The following SMCO3 variants were observed in gnomAD, a reference collection of about 807,000 sequenced individuals.
SMCO3 encodes the protein single-pass membrane protein with coiled-coil domains 3, also known as single-pass membrane and coiled-coil domain-containing protein 3.
SMCO3 carries 6 observed loss-of-function variants against 12.0 expected under a neutral mutation model. The observed-to-expected ratio is 0.50, with a 90% CI of 0.27 to 0.99. SMCO3 has a LOEUF of 0.99. SMCO3 is among the 50% of genes least tolerant of loss of function. SMCO3 has a pLI of 0.11. For synonymous variants in SMCO3, 96 were observed against 96.4 expected (o/e 1.00, Z 0.02); for missense variants, 279 against 265.0 (o/e 1.05, Z -0.37).
intron 1 of SMCO3, among the ~76,000 whole-genome samples, chr12:14,810,461 A>G (rs1950119457): frequency 6.6e-6 from 1 of 152,256 alleles, no homozygotes; most frequent in Admixed American, 6.5e-5. Flanking sequence ...GTCATATGCC[A>G]GCACCACTCT....
chr12:14,807,710 C>G (rs1440613022), intron 1 of SMCO3, among the ~76,000 whole-genome samples: 1 of 152,064 alleles, frequency 6.6e-6, no homozygotes, highest in Non-Finnish European at 1.5e-5. Context: ...AAGGTAGGCA[C>G]TATACAGGGC....
rs1950037906 is a variant in SMCO3 at position 14,805,770 on chromosome 12, T to A, written c.*233A>T. ...TCTGGTAGAGCAGGGTGTGAAAACA[T>A]CCAGGGAGAAAATTTTTTTACCTCA... On this transcript the variant is annotated 3_prime_UTR_variant, in exon 2 of 2. Transcript: ENST00000316048. 3 of 509,996 alleles carry A rather than the reference T, an allele frequency of 5.9e-6. No homozygotes were observed. The highest frequency in any genetic ancestry group is 1.0e-5 in the Non-Finnish European group (3 of 291,488). 31.6% of individuals were successfully genotyped at this position (509,996 alleles called of 1,614,324 possible).
chr12:14,811,193 T>C (rs933222303), intron 1 of SMCO3, among the ~76,000 whole-genome samples: 1 of 152,234 alleles, frequency 6.6e-6, no homozygotes, highest in African/African-American at 2.4e-5. Context: ...CCATCCACTT[T>C]TGTACAGAGT....
In SMCO3 at chr12:14,807,451, T is replaced by C. The variant is rs575114839; in HGVS notation, c.-16-755A>G. Among the ~76,000 whole-genome samples the C allele has an allele frequency of 1.5e-4, 23 of 152,342 alleles. No individual in the cohort carries two copies. In the South Asian group the frequency reaches 4.8e-3, roughly 32 times the overall value. ...ATTTCTCTAGCATTTGGAGTTAAAC[T>C]CTAGTCAGGGCCAGATAAATATTAA... On this transcript the variant is annotated intron_variant, in intron 1 of 1. Transcript: ENST00000316048.
Position 14,806,134 on chromosome 12 carries a change from C to G in SMCO3, c.547G>C (p.Val183Leu), listed in dbSNP as rs1950044957. 2 of 1,614,140 alleles carry G rather than the reference C, an allele frequency of 1.2e-6. No homozygotes were observed. Among genetic ancestry groups the G allele is most frequent in the African/African-American group, 1.3e-5 (1 of 75,022 alleles). ...DMIVRAILGA[V>L]EKTQLQAAIK... ...GCTGCTTGAAGCTGTGTTTTTTCCA[C>G]TGCTCCCAGGATGGCACGGACAATC... Residue 183 changes from valine to leucine, a missense_variant, in exon 2 of 2, where the codon GTG (valine) becomes CTG (leucine). Coordinates refer to ENST00000316048, the MANE Select transcript of SMCO3 (RefSeq NM_001013698.2).
At position 14,811,411 on chromosome 12, in the gene SMCO3, G is replaced by T. The variant is rs142423549; in HGVS notation, c.-17+2715C>A. 2.1e-3 allele frequency among the ~76,000 whole-genome samples: 313 copies of T among 152,232 alleles called. 3 individuals are homozygous for T. The highest frequency in any genetic ancestry group is 6.7e-3 in the African/African-American group (279 of 41,528). On this transcript the variant is annotated intron_variant, in intron 1 of 1. Coordinates refer to ENST00000316048, the MANE Select transcript of SMCO3 (RefSeq NM_001013698.2). Reference sequence around the variant, plus strand: ...GCTCTGGGTAGGTAAAATTTTATTTGATGAGAGAGTTCTGTTGCTAAAACA... The same window carrying T: ...GCTCTGGGTAGGTAAAATTTTATTTTATGAGAGAGTTCTGTTGCTAAAACA...
In SMCO3 at chr12:14,806,533, T is replaced by C. The variant is rs754454798; in HGVS notation, c.148A>G (p.Arg50Gly). 1 of 1,614,186 alleles carries C rather than the reference T, an allele frequency of 6.2e-7. No homozygotes were observed. Among genetic ancestry groups the C allele is most frequent in the Non-Finnish European group, 8.5e-7 (1 of 1,180,040 alleles). ...TEVLNMHLGC[R>G]LASIEMKRDG... ...CTTTTCATCTCAATGGAGGCCAGCC[T>C]GCACCCCAAGTGCATATTTAGAACC... The change falls in exon 2 of 2, where the codon AGG (arginine) becomes GGG (glycine). Residue 50 changes from arginine to glycine, a missense_variant. Transcript: ENST00000316048.
chr12:14,805,916 C>A lies in SMCO3; in HGVS notation c.*87G>T. ...TCTTATTTAAGTCCATATTGGAAGC[C>A]TATAGAAAATGAACCTAATCAAAGA... On this transcript the variant is annotated 3_prime_UTR_variant, in exon 2 of 2. Transcript: ENST00000316048. 1 of 1,301,342 alleles carries A rather than the reference C, an allele frequency of 7.7e-7. No individual in the cohort carries two copies. The highest frequency in any genetic ancestry group is 1.9e-4 in the Middle Eastern group (1 of 5,148). 80.6% of individuals were successfully genotyped at this position (1,301,342 alleles called of 1,614,324 possible). A position where few individuals can be genotyped will look rare whatever the true frequency, so the allele number is the denominator to read the frequency against.
intron 1 of SMCO3, among the ~76,000 whole-genome samples, chr12:14,812,739 T>C (rs1950160537): frequency 6.6e-6 from 1 of 151,988 alleles, no homozygotes; most frequent in Non-Finnish European, 1.5e-5. Flanking sequence ...GGATACTGGG[T>C]ATCCTGCTAT....
Position 14,814,125 on chromosome 12 carries a change from C to T in SMCO3, c.-17+1G>A, listed in dbSNP as rs1260520033. 6.6e-6 allele frequency: 1 copy of T among 152,160 alleles called. No individual in the cohort carries two copies. The highest frequency in any genetic ancestry group is 1.5e-5 in the Non-Finnish European group (1 of 68,042). 9.4% of individuals were successfully genotyped at this position (152,160 alleles called of 1,614,324 possible). A position where few individuals can be genotyped will look rare whatever the true frequency, so the allele number is the denominator to read the frequency against. ...CTAATAGAAATATCCACGTTGCTTA[C>T]CTTGCTGTGTTTCTGAGTTCCGTGG... On this transcript the variant is annotated splice_donor_variant, in intron 1 of 1. Transcript: ENST00000316048. LOFTEE classifies it low-confidence loss of function (5UTR_SPLICE).
chr12:14,806,823 C>CT, intron 1 of SMCO3, 127 bp from the exon 2 acceptor site: 1 of 850,036 alleles, frequency 1.2e-6, no homozygotes, highest in Non-Finnish European at 1.8e-6. Context: ...AGGATAATTC[C>CT]TCAGAACACT....
At chr12:14,813,506 C>T (rs573315176) in intron 1 of SMCO3, among the ~76,000 whole-genome samples, 4 of 152,132 alleles carry the variant, frequency 2.6e-5, no homozygotes, top group East Asian at 3.9e-4. Context: ...TGTTTCTGAC[C>T]AGAAAGAAGA....
intron 1 of SMCO3, among the ~76,000 whole-genome samples, chr12:14,809,481 C>A (rs551207124): frequency 6.6e-6 from 1 of 152,004 alleles, no homozygotes; most frequent in Non-Finnish European, 1.5e-5. Context: ...ACAAATTAGT[C>A]CCCAAAGCAG....
intron 1 of SMCO3, among the ~76,000 whole-genome samples, chr12:14,810,508 C>CT (rs1426202443): frequency 6.6e-6 from 1 of 152,124 alleles, no homozygotes; most frequent in Non-Finnish European, 1.5e-5. Flanking sequence ...ATGGTCCTTG[C>CT]TTTTTTGGAA....
chr12:14,806,599 A>C lies in SMCO3; in HGVS notation c.82T>G (p.Cys28Gly). ...GTGACATCGAAGCTGTCAGATAAGC[A>C]ATCAAGAAGCTGCTGGTGAAGACGA... Reference protein sequence around the residue: ...VNRLHQQLLDCLSDSFDVTNK... With the variant: ...VNRLHQQLLDGLSDSFDVTNK... The change falls in exon 2 of 2, where the codon TGC (cysteine) becomes GGC (glycine). Residue 28 changes from cysteine (C) to glycine (G), a missense_variant. By Grantham distance (159) the Cys-to-Gly change is radical. Coordinates refer to ENST00000316048, the MANE Select transcript of SMCO3 (RefSeq NM_001013698.2). 1 of 1,614,154 alleles carries C rather than the reference A, an allele frequency of 6.2e-7. No homozygotes were observed. Among genetic ancestry groups the C allele is most frequent in the Non-Finnish European group, 8.5e-7 (1 of 1,180,020 alleles).
Position 14,806,509 on chromosome 12 carries a change from T to G in SMCO3, c.172A>C (p.Arg58=). The change falls in exon 2 of 2, where the codon AGA becomes CGA. Residue 58 remains arginine (R), a synonymous_variant. Transcript: ENST00000316048. ...GCRLASIEMK[R]DGTIKENCDL... is the part of the protein sequence containing the mutation. The stretch of plus-strand genomic sequence containing the variant: ...CAGTTTTCTTTGATGGTCCCATCTC[T>G]TTTCATCTCAATGGAGGCCAGCCTG... The G allele has an allele frequency of 1.2e-6, 2 of 1,614,172 alleles. No individual in the cohort carries two copies. Among genetic ancestry groups the G allele is most frequent in the Non-Finnish European group, 8.5e-7 (1 of 1,180,028 alleles).
chr12:14,807,156 T>A (rs909725568), intron 1 of SMCO3, among the ~76,000 whole-genome samples: 1 of 152,204 alleles, frequency 6.6e-6, no homozygotes, highest in Non-Finnish European at 1.5e-5. Context: ...AAAACAGTTA[T>A]TTTTATGAAA....
chr12:14,806,550 T>G lies in SMCO3; in HGVS notation c.131A>C (p.Asn44Thr). ...GGCCAGCCTGCACCCCAAGTGCATA[T>G]TTAGAACCTCAGTCAGCTTATTGGT... ...DVTNKLTEVL[N>T]MHLGCRLASI... The change falls in exon 2 of 2, where the codon AAT becomes ACT. Residue 44 changes from asparagine (N) to threonine (T), a missense_variant. Physicochemically the swap from Asn to Thr is moderately conservative, Grantham distance 65. Coordinates refer to ENST00000316048, the MANE Select transcript of SMCO3 (RefSeq NM_001013698.2). 6.2e-7 allele frequency: 1 copy of G among 1,614,186 alleles called. No individual in the cohort carries two copies. Among genetic ancestry groups the G allele is most frequent in the Non-Finnish European group, 8.5e-7 (1 of 1,180,030 alleles).
At chr12:14,813,426 G>A (rs1203660085) in intron 1 of SMCO3, among the ~76,000 whole-genome samples, 2 of 151,988 alleles carry the variant, frequency 1.3e-5, no homozygotes, top group Non-Finnish European at 2.9e-5. Flanking sequence ...AAAAATCTGT[G>A]GCCTTTAATT....
Sources: allele counts gnomAD v4.1 joint callset (sites outside exome capture counted in the v4.1 genomes callset), GRCh38; gene constraint gnomAD v4.1.1; transcripts MANE v1.5; gene names NCBI Gene and HGNC (gene_info 2026-07-23, HGNC 2026-07-21).